SRCIN1: variants seen among roughly 807,000 people sequenced by gnomAD.
The protein encoded by SRCIN1 is P130Cas-associated protein.
A neutral mutation model predicts 116.2 loss-of-function variants in SRCIN1; 50 were observed. The observed-to-expected ratio is 0.43, with a 90% CI of 0.34 to 0.54. The LOEUF (loss-of-function observed/expected upper bound fraction) is 0.54, where lower values mean the gene tolerates loss of function less well. Ranked by LOEUF, SRCIN1 falls within the 20% of genes least tolerant of loss-of-function variation. The pLI is 0.02. For missense variants in SRCIN1, 1,446 were observed against 1,672.0 expected, an observed-to-expected ratio of 0.86 and a Z score of 2.36; for synonymous variants, 736 against 750.0, an observed-to-expected ratio of 0.98 and a Z score of 0.30.
At position 38,584,760 on chromosome 17, in the gene SRCIN1, C is replaced by T. The variant is rs182856915; in HGVS notation, c.23-5969G>A. 7.6e-3 allele frequency among the ~76,000 whole-genome samples: 1,163 copies of T among 152,290 alleles called. 7 individuals are homozygous for T. Among genetic ancestry groups the T allele is most frequent in the South Asian group, 0.023 (113 of 4,822 alleles). ...CCGGTCCCCAACTGGCATCTTTACC[C>T]CGGATGTAACCCTCTACTCTGTCCT... On this transcript the variant is annotated intron_variant, in intron 1 of 18. Coordinates refer to ENST00000617146, the MANE Select transcript of SRCIN1 (RefSeq NM_025248.3).
chr17:38,564,355 C>CG (rs1906523322), intron 3 of SRCIN1, 42 bp from the exon 4 acceptor site: 7 of 1,401,004 alleles, frequency 5.0e-6, no homozygotes, highest in Non-Finnish European at 6.5e-6. Context: ...AGGATGAGCA[C>CG]CCCCCCTCCC....
At chr17:38,547,283 C>A (rs1172238150) in intron 17 of SRCIN1, among the ~76,000 whole-genome samples, 1 of 152,194 alleles carries the variant, frequency 6.6e-6, no homozygotes, top group East Asian at 1.9e-4. Context: ...AACAGAGCCC[C>A]TCCCCGGCAC....
chr17:38,548,773 C>T, intron 16 of SRCIN1, 64 bp from the exon 17 acceptor site: 1 of 1,475,042 alleles, frequency 6.8e-7, no homozygotes, highest in African/African-American at 1.4e-5. Flanking sequence ...GCTCACCTCC[C>T]AGGCCCCATC....
rs749387477 is a variant in SRCIN1 at position 38,564,325 on chromosome 17, G to A, written c.346-12C>T. The A allele has an allele frequency of 7.8e-6, 12 of 1,535,248 alleles. No homozygotes were observed. The highest frequency in any genetic ancestry group is 6.0e-5 in the South Asian group (5 of 83,100). ...CGTGAGCTGCGGGTCTGCAGGGGCCGGGCAGGGTGAGAGGAACCAAGGATG... is the reference window on the plus strand; with the variant it reads ...CGTGAGCTGCGGGTCTGCAGGGGCCAGGCAGGGTGAGAGGAACCAAGGATG... On this transcript the variant is annotated splice_polypyrimidine_tract_variant and intron_variant, in intron 3 of 18. Transcript: ENST00000617146.
Position 38,531,775 on chromosome 17 carries a change from G to A in SRCIN1, c.*1522C>T, listed in dbSNP as rs1382393951. ...CAACAGCTCCCAGCTCTCCCCAGGT[G>A]CGGACCTTCCCCAGCCAGGCCCCAG... On this transcript the variant is annotated 3_prime_UTR_variant, in exon 19 of 19. Coordinates refer to ENST00000617146, the MANE Select transcript of SRCIN1 (RefSeq NM_025248.3). 6.6e-6 allele frequency: 1 copy of A among 152,530 alleles called. No individual in the cohort carries two copies. The highest frequency in any genetic ancestry group is 2.4e-5 in the African/African-American group (1 of 41,404). 9.4% of individuals were successfully genotyped at this position (152,530 alleles called of 1,614,324 possible). A position where few individuals can be genotyped will look rare whatever the true frequency, so the allele number is the denominator to read the frequency against.
At chr17:38,561,321 C>A in intron 7 of SRCIN1, 142 bp downstream of exon 7, 3 of 1,009,494 alleles carry the variant, frequency 3.0e-6, no homozygotes, top group Non-Finnish European at 4.0e-6. Context: ...TGCTCTCTGG[C>A]GACCCTTCAA....
At chr17:38,578,453 C>T (rs7503695) in intron 2 of SRCIN1, 37 bp downstream of exon 2, 172,767 of 1,535,368 alleles carry the variant, frequency 0.11, 10,245 homozygotes, top group Middle Eastern at 0.14. Context: ...CCGCTGGCCG[C>T]GGCCGCAGCC....
intron 18 of SRCIN1, among the ~76,000 whole-genome samples, chr17:38,536,230 C>T (rs113163141): frequency 1.3e-5 from 2 of 152,374 alleles, no homozygotes; most frequent in African/African-American, 4.8e-5. Flanking sequence ...CCACAATCCA[C>T]TCTCCTGAAG....
At chr17:38,595,170 T>A (rs1908656678) in intron 1 of SRCIN1, among the ~76,000 whole-genome samples, 1 of 152,168 alleles carries the variant, frequency 6.6e-6, no homozygotes, top group Non-Finnish European at 1.5e-5. Context: ...TGTTAGACTC[T>A]GAGCCTAGCC....
intron 18 of SRCIN1, among the ~76,000 whole-genome samples, chr17:38,540,714 C>A (rs901826147): frequency 1.3e-5 from 2 of 150,720 alleles, no homozygotes; most frequent in South Asian, 2.1e-4. Flanking sequence ...TGCCAGGGGC[C>A]GGGGCAGGGA....
At chr17:38,605,551 C>T in intron 1 of SRCIN1, 133 bp downstream of exon 1, 2 of 577,032 alleles carry the variant, frequency 3.5e-6, no homozygotes, top group Non-Finnish European at 5.3e-6. Flanking sequence ...CATCCCTCGC[C>T]CCGCCGGCCA....
rs1483392194 is a variant in SRCIN1 at position 38,561,828 on chromosome 17, G to C, written c.1335C>G (p.Ser445=). ...CCTTGTACAGGGAGTCCTCCAGATC[G>C]GACTGCAGCGCGGCGGCCGAGTAGG... ...LSTYSAAALQ[S]DLEDSLYKAA... The change falls in exon 7 of 19, where the codon TCC becomes TCG. Residue 445 remains serine, a synonymous_variant. Transcript: ENST00000617146. 3.4e-6 allele frequency: 5 copies of C among 1,478,444 alleles called. No individual in the cohort carries two copies. Among genetic ancestry groups the C allele is most frequent in the Middle Eastern group, 2.0e-4 (1 of 4,936 alleles). 91.6% of individuals were successfully genotyped at this position (1,478,444 alleles called of 1,614,324 possible).
chr17:38,542,654 C>T (rs1904821302), intron 18 of SRCIN1: 1 of 157,618 alleles, frequency 6.3e-6, no homozygotes, highest in African/African-American at 2.4e-5. Context: ...AGAAATTCTC[C>T]TGGGAGCCAG....
chr17:38,598,452 C>T (rs1370515178), intron 1 of SRCIN1, among the ~76,000 whole-genome samples: 1 of 152,118 alleles, frequency 6.6e-6, no homozygotes, highest in Non-Finnish European at 1.5e-5. Flanking sequence ...CGCAATCTCC[C>T]CAGCTCTGCA....
rs1355780737 is a variant in SRCIN1 at position 38,585,969 on chromosome 17, G to A, written c.23-7178C>T. On this transcript the variant is annotated intron_variant, in intron 1 of 18. Transcript: ENST00000617146. This position sits in a 1 kb window ranked among gnomAD's most constrained non-coding sequence, Gnocchi z 4.2. ...CCACGGTGATCCCCACTCCCTGCCA[G>A]CCCAGCCCCACCCCCTGAATGTCAG... Among the ~76,000 whole-genome samples, 2 of 152,042 alleles carry A rather than the reference G, an allele frequency of 1.3e-5. No individual in the cohort carries two copies. The highest frequency in any genetic ancestry group is 6.5e-5 in the Admixed American group (1 of 15,276).
At chr17:38,586,519 G>A (rs1361159088) in intron 1 of SRCIN1, among the ~76,000 whole-genome samples, 1 of 152,058 alleles carries the variant, frequency 6.6e-6, no homozygotes, top group Admixed American at 6.6e-5. Context: ...TCTAATCTGA[G>A]TCACCACATG....
At chr17:38,581,832 T>G (rs1181397157) in intron 1 of SRCIN1, among the ~76,000 whole-genome samples, 4 of 151,640 alleles carry the variant, frequency 2.6e-5, no homozygotes, top group Non-Finnish European at 5.9e-5. Flanking sequence ...AGGCTGGGGG[T>G]TCCCTGGGCG....
intron 1 of SRCIN1, among the ~76,000 whole-genome samples, chr17:38,586,637 A>G (rs1359745804): frequency 6.6e-6 from 1 of 152,158 alleles, no homozygotes. Context: ...CCCCCTTCCC[A>G]AGCTCCACAG....
intron 18 of SRCIN1, 105 bp downstream of exon 18, chr17:38,543,718 T>C (rs1344334796): frequency 8.2e-6 from 12 of 1,463,788 alleles, no homozygotes; most frequent in Admixed American, 4.3e-5. Context: ...TGGGAAGAGG[T>C]TGGGAAAGCT....
Sources: gnomAD v4.1 joint callset for allele counts (sites outside exome capture counted in the v4.1 genomes callset) on GRCh38, gnomAD v4.1.1 for gene constraint, Gnocchi (gnomAD v3.1) non-coding constraint, MANE v1.5 for transcripts, NCBI Gene and HGNC (gene_info 2026-07-23, HGNC 2026-07-21) for gene names.